The following ZNRF2 variants were observed in gnomAD, a reference collection of about 807,000 sequenced individuals.
ZNRF2 encodes zinc and ring finger 2.
ZNRF2 carries 16 observed loss-of-function variants against 20.4 expected under a neutral mutation model. That is an observed-to-expected ratio of 0.79 (90% CI 0.53 to 1.19). ZNRF2 has a LOEUF of 1.19. Among genes scored for constraint, ZNRF2 ranks in the 50% most tolerant of loss-of-function variants. The pLI, the probability that ZNRF2 is intolerant of heterozygous loss-of-function variation, is 0.00. For missense variants in ZNRF2, 363 were observed against 332.4 expected, an observed-to-expected ratio of 1.09 and a Z score of -0.72; for synonymous variants, 178 against 144.9, an observed-to-expected ratio of 1.23 and a Z score of -1.64.
chr7:30,365,776 A>G (rs1180351822), intron 4 of ZNRF2, among the ~76,000 whole-genome samples: 1 of 152,080 alleles, frequency 6.6e-6, no homozygotes, highest in African/African-American at 2.4e-5. Flanking sequence ...TGCTGTACTT[A>G]TTTTGGGGTT....
chr7:30,327,311 G>C (rs1488634256), intron 2 of ZNRF2, among the ~76,000 whole-genome samples: 1 of 151,948 alleles, frequency 6.6e-6, no homozygotes, highest in Admixed American at 6.6e-5. Context: ...ATTTTTGTAT[G>C]TGGTTTAAGG....
intron 1 of ZNRF2, among the ~76,000 whole-genome samples, chr7:30,303,697 C>T (rs1382108289): frequency 6.6e-6 from 1 of 152,176 alleles, no homozygotes; most frequent in Non-Finnish European, 1.5e-5. Context: ...GAATTACCCA[C>T]TGTAGCATTA....
chr7:30,323,518 A>G, intron 1 of ZNRF2, 124 bp from the exon 2 acceptor site: 3 of 557,644 alleles, frequency 5.4e-6, no homozygotes, highest in Non-Finnish European at 9.1e-6. Flanking sequence ...AGTTGCACAT[A>G]AACAGTGTAA....
intron 1 of ZNRF2, among the ~76,000 whole-genome samples, chr7:30,303,409 C>T (rs748827037): frequency 6.6e-6 from 1 of 152,020 alleles, no homozygotes; most frequent in Non-Finnish European, 1.5e-5. Flanking sequence ...TTTTGGTGGG[C>T]CTGAGAATCA....
rs370768465 is a variant in ZNRF2 at position 30,289,717 on chromosome 7, G to A, written c.469+3891G>A. 5 of 515,418 alleles carry A rather than the reference G, an allele frequency of 9.7e-6. No homozygotes were observed. In the African/African-American group the frequency reaches 9.8e-5, roughly 10 times the overall value. 31.9% of individuals were successfully genotyped at this position (515,418 alleles called of 1,614,324 possible). ...GAATTTTTTGGAATTATTCTTGACT[G>A]CAAGGTGGGGAGGATTGGTGAGTTG... is the stretch of plus-strand genomic sequence containing the variant. On this transcript the variant is annotated intron_variant, in intron 1 of 4. Coordinates refer to ENST00000323037, the MANE Select transcript of ZNRF2 (RefSeq NM_147128.4).
At chr7:30,316,035 TC>T (rs1303629707) in intron 1 of ZNRF2, among the ~76,000 whole-genome samples, 11 of 152,146 alleles carry the variant, frequency 7.2e-5, no homozygotes, top group Admixed American at 7.2e-4. Context: ...ACACCTGTAA[TC>T]CCAGCACTTT....
intron 1 of ZNRF2, among the ~76,000 whole-genome samples, chr7:30,313,828 G>T (rs1199402086): frequency 1.3e-5 from 2 of 152,182 alleles, no homozygotes; most frequent in Non-Finnish European, 1.5e-5. Flanking sequence ...GTGGTGATGT[G>T]TGGCCATTTC....
At chr7:30,363,957 C>G (rs757655625) in intron 4 of ZNRF2, among the ~76,000 whole-genome samples, 2 of 152,188 alleles carry the variant, frequency 1.3e-5, no homozygotes, top group Non-Finnish European at 2.9e-5. Context: ...GTGAGAGTCT[C>G]TTTGTTCAGG....
At chr7:30,319,674 A>ACT (rs1168254187) in intron 1 of ZNRF2, among the ~76,000 whole-genome samples, 21 of 152,320 alleles carry the variant, frequency 1.4e-4, no homozygotes, top group Middle Eastern at 3.4e-3. Context: ...GCACTTAGAG[A>ACT]AAGATTCCTG....
chr7:30,307,071 A>G (rs748621723), intron 1 of ZNRF2, among the ~76,000 whole-genome samples: 2 of 152,062 alleles, frequency 1.3e-5, no homozygotes, highest in Non-Finnish European at 2.9e-5. Context: ...TAAGATTTAC[A>G]AAGTTTTTGA....
rs1355260552 is a variant in ZNRF2, at chr7:30,285,813, G to T, written c.456G>T (p.Pro152=). 27 of 1,522,250 alleles carry T rather than the reference G, an allele frequency of 1.8e-5. No individual in the cohort carries two copies. Among genetic ancestry groups the T allele is most frequent in the Non-Finnish European group, 2.3e-5 (26 of 1,143,586 alleles). 94.3% of individuals were successfully genotyped at this position (1,522,250 alleles called of 1,614,324 possible). The change falls in exon 1 of 5, where the codon CCG becomes CCT. Residue 152 remains proline (P), a synonymous_variant. Coordinates refer to ENST00000323037, the MANE Select transcript of ZNRF2 (RefSeq NM_147128.4). The part of the protein sequence containing the change: ...VIGSLPAHLS[P]HMFGGFKCPV... The stretch of plus-strand genomic sequence containing the variant: ...GCTCCTTACCAGCTCACCTCTCGCC[G>T]CACATGTTTGGAGGTACGGACCCCT...
intron 2 of ZNRF2, among the ~76,000 whole-genome samples, chr7:30,348,799 G>C (rs183037847): frequency 6.6e-6 from 1 of 152,282 alleles, no homozygotes; most frequent in East Asian, 1.9e-4. Flanking sequence ...AAGATGAGCT[G>C]CATCTTTAGG....
chr7:30,350,801 A>G (rs1410184904), intron 2 of ZNRF2, among the ~76,000 whole-genome samples: 1 of 151,966 alleles, frequency 6.6e-6, no homozygotes, highest in Non-Finnish European at 1.5e-5. Flanking sequence ...TTCTACTGCT[A>G]TCATTGAGGG....
At chr7:30,332,469 C>G (rs1258205252) in intron 2 of ZNRF2, among the ~76,000 whole-genome samples, 1 of 152,044 alleles carries the variant, frequency 6.6e-6, no homozygotes, top group Non-Finnish European at 1.5e-5. Flanking sequence ...AAACCCATTC[C>G]CCAAGTAGCA....
chr7:30,317,438 CTT>C (rs1208557745), intron 1 of ZNRF2, among the ~76,000 whole-genome samples: 1 of 152,198 alleles, frequency 6.6e-6, no homozygotes, highest in Admixed American at 6.5e-5. Context: ...GATGGTGAGA[CTT>C]GATCTGGGCT....
At chr7:30,323,398 T>G (rs1398179849) in intron 1 of ZNRF2, among the ~76,000 whole-genome samples, 1 of 152,176 alleles carries the variant, frequency 6.6e-6, no homozygotes, top group Non-Finnish European at 1.5e-5. Flanking sequence ...TACAGGAGTT[T>G]GTAGTGGACT....
chr7:30,291,209 G>T (rs1448124209), intron 1 of ZNRF2, among the ~76,000 whole-genome samples: 1 of 152,204 alleles, frequency 6.6e-6, no homozygotes, highest in East Asian at 1.9e-4. Flanking sequence ...GTGCATAGAG[G>T]AATGATGAGA....
chr7:30,346,311 A>G (rs531063255), intron 2 of ZNRF2, among the ~76,000 whole-genome samples: 37 of 149,456 alleles, frequency 2.5e-4, no homozygotes, highest in African/African-American at 8.8e-4. Flanking sequence ...CTCCTGCCTC[A>G]GCCTCCTGAG....
intron 2 of ZNRF2, among the ~76,000 whole-genome samples, chr7:30,332,012 C>T (rs1342887122): frequency 6.6e-6 from 1 of 152,120 alleles, no homozygotes; most frequent in Non-Finnish European, 1.5e-5. Flanking sequence ...TTTTACTTCC[C>T]TTCTGTAAAT....
Sources: allele counts gnomAD v4.1 joint callset (sites outside exome capture counted in the v4.1 genomes callset), GRCh38; gene constraint gnomAD v4.1.1; transcripts MANE v1.5; gene names NCBI Gene and HGNC (gene_info 2026-07-23, HGNC 2026-07-21).